Variants in DPP6 observed in about 807,000 individuals in gnomAD.
DPP6 encodes the protein dipeptidyl peptidase like 6, also known as A-type potassium channel modulatory protein DPP6.
In DPP6, 69 loss-of-function variants were observed where a neutral mutation model predicts 122.6. The observed-to-expected ratio is 0.56, with a 90% CI of 0.46 to 0.69. The LOEUF (loss-of-function observed/expected upper bound fraction) is 0.69. Ranked by LOEUF, DPP6 falls within the 30% of genes least tolerant of loss-of-function variation. The probability of loss-of-function intolerance (pLI) is 0.00; values close to 1 mark genes in which losing one functional copy is unlikely to be tolerated. For synonymous variants in DPP6, 418 were observed against 433.1 expected, an observed-to-expected ratio of 0.97 and a Z score of 0.43; for missense variants, 928 against 1,116.9, an observed-to-expected ratio of 0.83 and a Z score of 2.41.
chr7:154,482,728 A>G (rs1823415403), intron 3 of DPP6, among the ~76,000 whole-genome samples: 1 of 152,212 alleles, frequency 6.6e-6, no homozygotes, highest in Admixed American at 6.5e-5. Context: ...AATTTGCGCC[A>G]TCTTCTGATA....
chr7:154,500,397 T>G (rs1214734091), intron 3 of DPP6, among the ~76,000 whole-genome samples: 1 of 152,212 alleles, frequency 6.6e-6, no homozygotes. Context: ...TAGTGAGAGA[T>G]AAAGCTTATA....
the DPP6 span, among the ~76,000 whole-genome samples, chr7:153,806,048 C>T: frequency 6.6e-6 from 1 of 151,872 alleles, no homozygotes; most frequent in African/African-American, 2.4e-5. Context: ...CTCGTTTCAT[C>T]TGGCTGAGGG....
rs1563181309 is a variant in DPP6 at position 154,760,960 on chromosome 7, GGA to G, written c.884-8456_884-8455del. Among the ~76,000 whole-genome samples the G allele has an allele frequency of 6.6e-6, 1 of 151,234 alleles. No homozygotes were observed. Among genetic ancestry groups the G allele is most frequent in the East Asian group, 2.0e-4 (1 of 5,128 alleles). On this transcript the variant is annotated intron_variant, in intron 8 of 25. Coordinates refer to ENST00000377770, the MANE Select transcript of DPP6 (RefSeq NM_130797.4). This position sits in a 1 kb window ranked among gnomAD's most constrained non-coding sequence, Gnocchi z 4.5. ...AGCGATTCTCCTGCCTCAGCCTCCC[GGA>G]TAGCTGGGACTACAGGCGCCTGCCA...
chr7:153,866,584 TC>T, the DPP6 span, among the ~76,000 whole-genome samples: 2 of 152,230 alleles, frequency 1.3e-5, no homozygotes, highest in South Asian at 4.1e-4. Context: ...AAAAATTTTC[TC>T]CCATTCTGTA....
intron 7 of DPP6, among the ~76,000 whole-genome samples, chr7:154,707,457 A>G (rs1377429077): frequency 2.6e-5 from 4 of 152,218 alleles, no homozygotes; most frequent in African/African-American, 4.8e-5. Context: ...TGGGTTAATC[A>G]TCAGCCTAAA....
the DPP6 span, among the ~76,000 whole-genome samples, chr7:153,871,106 C>T: frequency 9.8e-5 from 15 of 152,302 alleles, no homozygotes; most frequent in East Asian, 3.9e-4. Flanking sequence ...CAGGAACCCA[C>T]GTGAGGAGGC....
chr7:154,812,881 A>C (rs1361802544), intron 16 of DPP6, among the ~76,000 whole-genome samples: 1 of 152,110 alleles, frequency 6.6e-6, no homozygotes, highest in Non-Finnish European at 1.5e-5. Context: ...TAGCAGTATC[A>C]ATGTGTGCTT....
At position 154,098,791 on chromosome 7, in the gene DPP6, T is replaced by C. The variant is rs1471583613; in HGVS notation, c.243+45728T>C. ...CCATGATCGCTACTGCATTTGGCAG[T>C]GATATATACTCCCTTAACCTTTCCT... On this transcript the variant is annotated intron_variant, in intron 1 of 25. Transcript: ENST00000377770. Among the ~76,000 whole-genome samples, 3 of 152,252 alleles carry C rather than the reference T, an allele frequency of 2.0e-5. No individual in the cohort carries two copies. In the East Asian group the frequency reaches 5.8e-4, roughly 29 times the overall value.
chr7:153,987,009 T>C lies in DPP6; in HGVS notation c.51+99275T>C, dbSNP rs149487087. Among the ~76,000 whole-genome samples the C allele has an allele frequency of 7.0e-4, 106 of 152,352 alleles. 4 individuals carry two copies. The East Asian group carries it at 0.012, about 17-fold the overall frequency. ...ATGGTCACATTATCCAGAGTAAGGT[T>C]AGTTCGGTTTGGTTTGAATTGTTTC... is the stretch of plus-strand genomic sequence containing the variant. On this transcript the variant is annotated intron_variant, in intron 1 of 25. Transcript: ENST00000404039.
rs536563139 is a variant in DPP6 at position 154,489,136 on chromosome 7, G to A, written c.457+14099G>A. On this transcript the variant is annotated intron_variant, in intron 3 of 25. Coordinates refer to ENST00000377770, the MANE Select transcript of DPP6 (RefSeq NM_130797.4). ...CTGCCCCTTTTTCTCTTGTTTATGG[G>A]GTCTTCCAACAACTGCATGGCCTGG... Among the ~76,000 whole-genome samples the A allele has an allele frequency of 2.0e-5, 3 of 152,188 alleles. No individual in the cohort carries two copies. In the East Asian group the frequency reaches 5.8e-4, roughly 29 times the overall value.
chr7:153,889,540 C>A (rs760839106), intron 1 of DPP6, among the ~76,000 whole-genome samples: 1 of 152,208 alleles, frequency 6.6e-6, no homozygotes, highest in African/African-American at 2.4e-5. Context: ...ACTTGCATGG[C>A]ATGAAAGAGC....
intron 1 of DPP6, among the ~76,000 whole-genome samples, chr7:154,145,730 A>G (rs1796059208): frequency 1.1e-5 from 1 of 94,536 alleles, no homozygotes; most frequent in African/African-American, 3.8e-5. Context: ...CCTGCTCCTC[A>G]TGAAACACAG....
chr7:153,921,670 G>A (rs1800645402), intron 1 of DPP6, among the ~76,000 whole-genome samples: 1 of 152,210 alleles, frequency 6.6e-6, no homozygotes, highest in African/African-American at 2.4e-5. Flanking sequence ...CACACAGTGA[G>A]TAATAGCAGA....
At chr7:154,805,108 G>A (rs1587197488) in intron 15 of DPP6, 144 bp downstream of exon 15, 1 of 1,170,396 alleles carries the variant, frequency 8.5e-7, no homozygotes, top group Non-Finnish European at 1.2e-6. Context: ...AGTCTGGAGA[G>A]AAGTAATGAA....
intron 3 of DPP6, among the ~76,000 whole-genome samples, chr7:154,532,886 T>G (rs954926484): frequency 6.6e-6 from 1 of 152,138 alleles, no homozygotes; most frequent in Non-Finnish European, 1.5e-5. Context: ...CCTCCACACT[T>G]CTCCCCTAAA....
Position 154,604,482 on chromosome 7 carries a change from T to C in DPP6, c.628-33339T>C. ...CTATTGAAATGATATTGAATTGAGA[T>C]ACTAAGTTGGAGAGAATTGACTACT... On this transcript the variant is annotated intron_variant, in intron 5 of 25. Coordinates refer to ENST00000377770, the MANE Select transcript of DPP6 (RefSeq NM_130797.4). 3.3e-5 allele frequency among the ~76,000 whole-genome samples: 4 copies of C among 120,888 alleles called. 2 individuals are homozygous for C. 79.3% of individuals were successfully genotyped at this position (120,888 alleles called of 152,430 possible).
At chr7:154,077,632 T>C (rs1224593980) in intron 1 of DPP6, among the ~76,000 whole-genome samples, 3 of 151,960 alleles carry the variant, frequency 2.0e-5, no homozygotes, top group Non-Finnish European at 4.4e-5. Flanking sequence ...ATGGCCCTGT[T>C]GAGAACCTTA....
intron 10 of DPP6, among the ~76,000 whole-genome samples, chr7:154,786,824 A>T (rs1376273345): frequency 6.6e-6 from 1 of 152,152 alleles, no homozygotes; most frequent in Admixed American, 6.5e-5. Context: ...CGTTTCATCC[A>T]TATACTTTCA....
chr7:154,344,739 T>A (rs1810245018), intron 1 of DPP6, among the ~76,000 whole-genome samples: 1 of 152,002 alleles, frequency 6.6e-6, no homozygotes, highest in South Asian at 2.1e-4. Context: ...ATACAAAAAA[T>A]TAGCTGGGCG....
Sources: allele counts gnomAD v4.1 joint callset (sites outside exome capture counted in the v4.1 genomes callset), GRCh38; gene constraint gnomAD v4.1.1; non-coding constraint Gnocchi (gnomAD v3.1); transcripts MANE v1.5; gene names NCBI Gene and HGNC (gene_info 2026-07-23, HGNC 2026-07-21).